SGCZ: variants seen among roughly 807,000 people sequenced by gnomAD.
The protein encoded by SGCZ is zeta-sarcoglycan.
A neutral mutation model predicts 41.3 loss-of-function variants in SGCZ; 40 were observed. That is an observed-to-expected ratio of 0.97 (90% CI 0.75 to 1.26). The LOEUF is 1.26. SGCZ is among the 50% of genes most tolerant of loss of function. The pLI, the probability that SGCZ is intolerant of heterozygous loss-of-function variation, is 0.00. For missense variants in SGCZ, 552 were observed against 369.8 expected, an observed-to-expected ratio of 1.49 and a Z score of -4.04; for synonymous variants, 206 against 137.5, an observed-to-expected ratio of 1.50 and a Z score of -3.49.
chr8:14,474,740 T>C (rs1012389830), intron 2 of SGCZ, among the ~76,000 whole-genome samples: 1 of 152,228 alleles, frequency 6.6e-6, no homozygotes, highest in Non-Finnish European at 1.5e-5. Context: ...TGTTAGATTT[T>C]GATTCACACT....
At chr8:14,427,753 G>A (rs1183022004) in intron 2 of SGCZ, among the ~76,000 whole-genome samples, 2 of 152,086 alleles carry the variant, frequency 1.3e-5, no homozygotes, top group Non-Finnish European at 2.9e-5. Flanking sequence ...AATTAAAGAA[G>A]GCTGAACCTG....
intron 4 of SGCZ, among the ~76,000 whole-genome samples, chr8:14,184,041 G>A (rs1804821204): frequency 2.0e-5 from 3 of 152,112 alleles, no homozygotes; most frequent in African/African-American, 7.2e-5. Context: ...AAAGGTAAAT[G>A]ATGCTATGTG....
chr8:14,578,235 C>A (rs1037658814), intron 1 of SGCZ, among the ~76,000 whole-genome samples: 11 of 152,170 alleles, frequency 7.2e-5, no homozygotes, highest in Non-Finnish European at 1.6e-4. Flanking sequence ...TTGACTCAAC[C>A]AGGTGTGACA....
At chr8:14,397,218 A>G (rs1384744913) in intron 2 of SGCZ, among the ~76,000 whole-genome samples, 4 of 152,286 alleles carry the variant, frequency 2.6e-5, no homozygotes, top group African/African-American at 9.6e-5. Flanking sequence ...GAGATACATT[A>G]GAAATATGAG....
At chr8:14,319,189 T>TA (rs1801832297) in intron 3 of SGCZ, among the ~76,000 whole-genome samples, 1 of 151,868 alleles carries the variant, frequency 6.6e-6, no homozygotes, top group South Asian at 2.1e-4. Context: ...GCAAAATAGG[T>TA]AAAATTTCTC....
At chr8:15,085,757 A>G (rs1039011409) in intron 1 of SGCZ, among the ~76,000 whole-genome samples, 1 of 152,160 alleles carries the variant, frequency 6.6e-6, no homozygotes, top group African/African-American at 2.4e-5. Flanking sequence ...TACGCTAGAT[A>G]TGAATCCACC....
At chr8:14,254,106 A>C (rs538542743) in intron 3 of SGCZ, among the ~76,000 whole-genome samples, 1 of 152,280 alleles carries the variant, frequency 6.6e-6, no homozygotes, top group East Asian at 1.9e-4. Flanking sequence ...AACAGAACTG[A>C]AGACTTTTTA....
chr8:14,092,952 T>C (rs1170502536), intron 7 of SGCZ, among the ~76,000 whole-genome samples: 1 of 152,056 alleles, frequency 6.6e-6, no homozygotes, highest in Non-Finnish European at 1.5e-5. Flanking sequence ...TTGCTAAATC[T>C]TCTAACTTGG....
chr8:14,326,641 C>T (rs985928160), intron 2 of SGCZ, among the ~76,000 whole-genome samples: 2 of 152,066 alleles, frequency 1.3e-5, no homozygotes, highest in Non-Finnish European at 2.9e-5. Flanking sequence ...AAATGCCTTA[C>T]AGGAAACCAA....
At chr8:14,148,565 C>T (rs1469939957) in intron 5 of SGCZ, among the ~76,000 whole-genome samples, 1 of 151,946 alleles carries the variant, frequency 6.6e-6, no homozygotes, top group Non-Finnish European at 1.5e-5. Context: ...TAAAGAAAAG[C>T]CTGGGACCCG....
At chr8:14,202,260 A>G (rs1272269034) in intron 4 of SGCZ, among the ~76,000 whole-genome samples, 1 of 152,160 alleles carries the variant, frequency 6.6e-6, no homozygotes, top group Admixed American at 6.6e-5. Context: ...AGGGGTAAAG[A>G]TAACCTCTAT....
intron 1 of SGCZ, among the ~76,000 whole-genome samples, chr8:15,053,097 C>T (rs1585514911): frequency 6.6e-6 from 1 of 152,080 alleles, no homozygotes; most frequent in African/African-American, 2.4e-5. Flanking sequence ...CCTACCTTGA[C>T]CTTGTGAGTG....
chr8:14,508,518 A>C (rs1025313315), intron 2 of SGCZ, among the ~76,000 whole-genome samples: 1 of 152,128 alleles, frequency 6.6e-6, no homozygotes, highest in Non-Finnish European at 1.5e-5. Flanking sequence ...CCAGTCTGCC[A>C]CTTGAACTAG....
chr8:15,092,792 T>C (rs1050471902), intron 1 of SGCZ, among the ~76,000 whole-genome samples: 5 of 152,190 alleles, frequency 3.3e-5, no homozygotes, highest in Non-Finnish European at 7.3e-5. Context: ...TGATGGAAAA[T>C]AATTGAGATA....
At chr8:14,790,175 G>A (rs767324652) in intron 1 of SGCZ, among the ~76,000 whole-genome samples, 2 of 152,160 alleles carry the variant, frequency 1.3e-5, no homozygotes, top group African/African-American at 4.8e-5. Context: ...CTGAGGGCCA[G>A]TGCTTTCAAA....
At chr8:15,220,204 A>C (rs1423800604) in intron 1 of SGCZ, among the ~76,000 whole-genome samples, 1 of 152,220 alleles carries the variant, frequency 6.6e-6, no homozygotes, top group African/African-American at 2.4e-5. Flanking sequence ...TTTTGAGGTC[A>C]TTAATAGATG....
chr8:14,811,103 T>C (rs767473575), intron 1 of SGCZ, among the ~76,000 whole-genome samples: 9 of 152,138 alleles, frequency 5.9e-5, no homozygotes, highest in Middle Eastern at 3.4e-3. Flanking sequence ...CTGTCAGGAT[T>C]TTCTGTAAGA....
rs538423890 is a variant in SGCZ, at chr8:14,164,495, T to C, written c.547+85A>G. 17 of 1,510,232 alleles carry C rather than the reference T, an allele frequency of 1.1e-5. No homozygotes were observed. In the African/African-American group the frequency reaches 2.2e-4, roughly 20 times the overall value. The allele number at this position is 1,510,232 out of a possible 1,614,324, so 93.6% of individuals were successfully genotyped here. ...TAAGACTCTACTTTAGGCATAGGAA[T>C]CATCCATCTTATTAAGAAGCTCCTT... On this transcript the variant is annotated intron_variant, in intron 5 of 7. Coordinates refer to ENST00000382080, the MANE Select transcript of SGCZ (RefSeq NM_139167.4).
At chr8:14,947,979 C>G (rs949919039) in intron 1 of SGCZ, among the ~76,000 whole-genome samples, 1 of 152,088 alleles carries the variant, frequency 6.6e-6, no homozygotes, top group African/African-American at 2.4e-5. Context: ...ATACTAACAG[C>G]ATTTTAAAGG....
Sources: allele counts gnomAD v4.1 joint callset (sites outside exome capture counted in the v4.1 genomes callset), GRCh38; gene constraint gnomAD v4.1.1; transcripts MANE v1.5; gene names NCBI Gene and HGNC (gene_info 2026-07-23, HGNC 2026-07-21).